Variants in SLIT3 observed in about 807,000 individuals in gnomAD.
SLIT3 encodes slit homolog 3 protein.
In SLIT3, 68 loss-of-function variants were observed where a neutral mutation model predicts 184.0. The observed-to-expected ratio is 0.37, with a 90% CI of 0.30 to 0.45. The LOEUF (loss-of-function observed/expected upper bound fraction) is 0.45. SLIT3 is among the 20% of genes least tolerant of loss of function. The probability of loss-of-function intolerance (pLI) is 1.00; values close to 1 mark genes in which losing one functional copy is unlikely to be tolerated. For missense variants in SLIT3, 1,707 were observed against 2,026.0 expected (o/e 0.84, Z 3.02); for synonymous variants, 831 against 828.6 (o/e 1.00, Z -0.05).
intron 5 of SLIT3, among the ~76,000 whole-genome samples, chr5:168,875,928 T>C (rs993719690): frequency 9.2e-5 from 14 of 152,198 alleles, no homozygotes; most frequent in African/African-American, 3.1e-4. Context: ...CCTGACACTC[T>C]CAGTCAGGAA....
Position 168,762,568 on chromosome 5 carries a change from T to C in SLIT3, c.1581A>G (p.Pro527=). The part of the protein sequence containing the change: ...DCSNQKLVRI[P]SHLPEYVTDL... ...CGGTGACATATTCAGGGAGGTGGCT[T>C]GGGATGCGGACCAGCTTCTGGTTGG... Residue 527 remains proline (P), a synonymous_variant, in exon 15 of 36, where the codon CCA becomes CCG. Coordinates refer to ENST00000519560, the MANE Select transcript of SLIT3 (RefSeq NM_003062.4). 1.2e-6 allele frequency: 2 copies of C among 1,613,852 alleles called. No individual in the cohort carries two copies. The highest frequency in any genetic ancestry group is 1.7e-6 in the Non-Finnish European group (2 of 1,179,906).
chr5:169,225,828 A>G (rs1483909177), intron 3 of SLIT3, among the ~76,000 whole-genome samples: 1 of 152,174 alleles, frequency 6.6e-6, no homozygotes. Context: ...ATGGCAGGGA[A>G]CCAAAGTTTG....
chr5:168,870,570 G>A (rs1351795507), intron 5 of SLIT3, among the ~76,000 whole-genome samples: 5 of 152,274 alleles, frequency 3.3e-5, no homozygotes, highest in Admixed American at 6.5e-5. Context: ...ACCTGGTGCT[G>A]GCTTCTTGAC....
intron 4 of SLIT3, among the ~76,000 whole-genome samples, chr5:168,962,349 C>T (rs944977428): frequency 6.6e-6 from 1 of 151,920 alleles, no homozygotes; most frequent in Non-Finnish European, 1.5e-5. Context: ...CACACACACA[C>T]AGTGGTACCC....
At chr5:169,163,532 T>C (rs893174842) in intron 4 of SLIT3, among the ~76,000 whole-genome samples, 1 of 152,164 alleles carries the variant, frequency 6.6e-6, no homozygotes, top group African/African-American at 2.4e-5. Flanking sequence ...GTGGACATCA[T>C]AGCGGCTCCC....
At chr5:168,695,646 G>C (rs964864022) in intron 28 of SLIT3, among the ~76,000 whole-genome samples, 12 of 152,088 alleles carry the variant, frequency 7.9e-5, no homozygotes, top group African/African-American at 2.9e-4. Flanking sequence ...CCTTTTTAGG[G>C]GTTATTAATG....
chr5:168,892,141 T>C (rs993182229), intron 4 of SLIT3, among the ~76,000 whole-genome samples: 1 of 152,330 alleles, frequency 6.6e-6, no homozygotes, highest in Admixed American at 6.5e-5. Flanking sequence ...ATTAGCCATA[T>C]TAAAAACAGT....
intron 5 of SLIT3, among the ~76,000 whole-genome samples, chr5:168,854,716 G>A (rs1758796359): frequency 6.6e-6 from 1 of 152,252 alleles, no homozygotes; most frequent in South Asian, 2.1e-4. Flanking sequence ...GACAAGGCTT[G>A]TCTTCCATAG....
chr5:168,929,579 A>G (rs1761926492), intron 4 of SLIT3, among the ~76,000 whole-genome samples: 1 of 152,234 alleles, frequency 6.6e-6, no homozygotes, highest in African/African-American at 2.4e-5. Flanking sequence ...GAGAGGGTCA[A>G]TTCTGCACAA....
intron 4 of SLIT3, among the ~76,000 whole-genome samples, chr5:168,955,015 C>G (rs535473991): frequency 1.3e-4 from 18 of 135,988 alleles, no homozygotes; most frequent in African/African-American, 4.9e-4. Flanking sequence ...TGTCTTTGGG[C>G]ATTCTGGAGG....
Position 168,772,840 on chromosome 5 carries a change from G to C in SLIT3, c.1400C>G (p.Pro467Arg), listed in dbSNP as rs372491106. The C allele has an allele frequency of 6.2e-7, 1 of 1,613,988 alleles. No homozygotes were observed. Among genetic ancestry groups the C allele is most frequent in the African/African-American group, 1.3e-5 (1 of 74,912 alleles). ...GATGCGCTTGTTGGCGAGTCGGCGC[G>C]GGCTGCTGCAGCGGGCCCCGCTTGT... The part of the protein sequence containing the change: ...IETSGARCSS[P>R]RRLANKRISQ... The change falls in exon 14 of 36, where the codon CCG becomes CGG. Residue 467 changes from proline to arginine, a missense_variant. Physicochemically the swap from Pro to Arg is moderately radical, Grantham distance 103. Transcript: ENST00000519560.
chr5:169,113,949 T>C (rs1760545414), intron 4 of SLIT3, among the ~76,000 whole-genome samples: 1 of 152,184 alleles, frequency 6.6e-6, no homozygotes, highest in African/African-American at 2.4e-5. Context: ...CCACTGTGCA[T>C]GGCTCATCAT....
chr5:169,148,371 T>C (rs1164668270), intron 4 of SLIT3, among the ~76,000 whole-genome samples: 1 of 152,140 alleles, frequency 6.6e-6, no homozygotes, highest in Non-Finnish European at 1.5e-5. Flanking sequence ...TAAAAATGAA[T>C]GATGATGACA....
chr5:168,831,241 C>T (rs778597973), intron 6 of SLIT3, among the ~76,000 whole-genome samples: 4 of 143,470 alleles, frequency 2.8e-5, no homozygotes, highest in Non-Finnish European at 6.0e-5. Context: ...TTCTCTTTTG[C>T]TTGTTTGGAG....
At chr5:168,786,953 C>T (rs945451075) in intron 11 of SLIT3, among the ~76,000 whole-genome samples, 1 of 152,144 alleles carries the variant, frequency 6.6e-6, no homozygotes, top group Non-Finnish European at 1.5e-5. Context: ...TGAATGCATG[C>T]AATATTCAAT....
chr5:168,784,533 C>T (rs1008448621), intron 12 of SLIT3, among the ~76,000 whole-genome samples: 4 of 152,172 alleles, frequency 2.6e-5, no homozygotes, highest in African/African-American at 4.8e-5. Context: ...TGCTGGGCAT[C>T]GCACGCCTAC....
intron 4 of SLIT3, among the ~76,000 whole-genome samples, chr5:169,065,274 C>T (rs1441320874): frequency 2.6e-5 from 4 of 152,142 alleles, no homozygotes; most frequent in South Asian, 2.1e-4. Context: ...TCAGTATTCA[C>T]CTTGGTGGCA....
chr5:168,739,573 C>T (rs1226779243), intron 20 of SLIT3, among the ~76,000 whole-genome samples: 1 of 151,988 alleles, frequency 6.6e-6, no homozygotes, highest in Non-Finnish European at 1.5e-5. Flanking sequence ...TCCTGCCTCA[C>T]CCTCCCAAGT....
At chr5:168,753,635 G>C (rs1179910806) in intron 17 of SLIT3, among the ~76,000 whole-genome samples, 4 of 152,028 alleles carry the variant, frequency 2.6e-5, no homozygotes, top group Non-Finnish European at 5.9e-5. Flanking sequence ...ACTATGTTGG[G>C]TGTGTGTGTG....
Sources: allele counts gnomAD v4.1 joint callset (sites outside exome capture counted in the v4.1 genomes callset), GRCh38; gene constraint gnomAD v4.1.1; transcripts MANE v1.5; gene names NCBI Gene and HGNC (gene_info 2026-07-23, HGNC 2026-07-21).